GPC6: variants seen among roughly 807,000 people sequenced by gnomAD.
GPC6 encodes glypican-6.
A neutral mutation model predicts 55.2 loss-of-function variants in GPC6; 14 were observed. The observed-to-expected ratio is 0.25, with a 90% CI of 0.17 to 0.40. The LOEUF (loss-of-function observed/expected upper bound fraction) is 0.40, where lower values mean the gene tolerates loss of function less well. Among genes scored for constraint, GPC6 ranks in the 10% least tolerant of loss-of-function variants. The pLI is 1.00. For missense variants in GPC6, 641 were observed against 708.5 expected, an observed-to-expected ratio of 0.90 and a Z score of 1.08; for synonymous variants, 278 against 259.6, an observed-to-expected ratio of 1.07 and a Z score of -0.68.
In GPC6 at chr13:93,333,208, CT is replaced by C. The variant is rs553860917; in HGVS notation, c.160+105599del. On this transcript the variant is annotated intron_variant, in intron 1 of 8. Transcript: ENST00000377047. ...TTATGATTCTGTATGCATTTTAGGA[CT>C]TTTTTTCTGTGTTTCTATGAAGAGT... 5.7e-3 allele frequency among the ~76,000 whole-genome samples: 873 copies of C among 152,086 alleles called. 5 individuals carry two copies. Among genetic ancestry groups the C allele is most frequent in the Middle Eastern group, 0.038 (11 of 292 alleles).
chr13:93,757,590 G>A (rs886841814), intron 2 of GPC6, among the ~76,000 whole-genome samples: 1 of 152,152 alleles, frequency 6.6e-6, no homozygotes, highest in Non-Finnish European at 1.5e-5. Context: ...ATTCCTATCT[G>A]TGAGTCCTTT....
At chr13:94,195,109 G>A (rs1243218694) in intron 4 of GPC6, among the ~76,000 whole-genome samples, 2 of 152,164 alleles carry the variant, frequency 1.3e-5, no homozygotes, top group East Asian at 3.8e-4. Context: ...TTCTATTTAA[G>A]TCTCTTTTGA....
At chr13:94,343,803 C>G (rs1878156347) in intron 6 of GPC6, among the ~76,000 whole-genome samples, 1 of 152,130 alleles carries the variant, frequency 6.6e-6, no homozygotes, top group South Asian at 2.1e-4. Flanking sequence ...AATCACAGCT[C>G]ACTGCAGCCT....
chr13:94,332,685 T>C (rs1468998994), intron 6 of GPC6, among the ~76,000 whole-genome samples: 6 of 152,238 alleles, frequency 3.9e-5, no homozygotes, highest in Non-Finnish European at 5.9e-5. Flanking sequence ...TGTGTCGAAT[T>C]GTTGCAAGAA....
intron 1 of GPC6, among the ~76,000 whole-genome samples, chr13:93,485,572 T>G (rs1409664752): frequency 6.6e-6 from 1 of 152,218 alleles, no homozygotes; most frequent in Non-Finnish European, 1.5e-5. Flanking sequence ...TTTCTTGATT[T>G]CGTAGATAAT....
At chr13:94,398,237 T>TAAA (rs375910551) in intron 7 of GPC6, among the ~76,000 whole-genome samples, 13 of 139,916 alleles carry the variant, frequency 9.3e-5, no homozygotes, top group African/African-American at 3.1e-4. Flanking sequence ...CAGTGCCATT[T>TAAA]AAAAAAAAAA....
intron 3 of GPC6, among the ~76,000 whole-genome samples, chr13:93,923,738 G>A (rs1400428725): frequency 1.3e-5 from 2 of 152,182 alleles, no homozygotes; most frequent in African/African-American, 2.4e-5. Context: ...ATGGTCAGTG[G>A]CAGCTGTGCT....
intron 4 of GPC6, among the ~76,000 whole-genome samples, chr13:94,261,371 A>G (rs941717171): frequency 2.0e-5 from 3 of 152,228 alleles, no homozygotes; most frequent in Non-Finnish European, 4.4e-5. Flanking sequence ...AGCTATTTGA[A>G]GAATGGGTTC....
intron 4 of GPC6, among the ~76,000 whole-genome samples, chr13:94,046,114 A>T (rs201104039): frequency 0.014 from 2,176 of 152,124 alleles, 35 homozygotes; most frequent in East Asian, 0.083. Flanking sequence ...CCAACAAAAA[A>T]ATAGGTTTAC....
chr13:94,018,765 A>G (rs977915952), intron 3 of GPC6, among the ~76,000 whole-genome samples: 2 of 152,160 alleles, frequency 1.3e-5, no homozygotes, highest in African/African-American at 4.8e-5. Context: ...CTGATGAGTG[A>G]GCATTACCAC....
At chr13:94,305,661 G>C (rs1248093628) in intron 5 of GPC6, among the ~76,000 whole-genome samples, 1 of 152,182 alleles carries the variant, frequency 6.6e-6, no homozygotes, top group Non-Finnish European at 1.5e-5. Flanking sequence ...GTCCATGAGA[G>C]TGCTGTGAGT....
intron 4 of GPC6, among the ~76,000 whole-genome samples, chr13:94,213,317 A>T (rs1176708079): frequency 1.3e-5 from 2 of 152,192 alleles, no homozygotes; most frequent in African/African-American, 4.8e-5. Context: ...AATCATTATA[A>T]TTATAGGTGA....
chr13:94,237,730 G>A (rs1890922873), intron 4 of GPC6, among the ~76,000 whole-genome samples: 1 of 152,128 alleles, frequency 6.6e-6, no homozygotes, highest in Non-Finnish European at 1.5e-5. Context: ...ATAAAAAAAC[G>A]TAGGTGGGCT....
intron 3 of GPC6, among the ~76,000 whole-genome samples, chr13:93,892,850 C>T (rs1284951486): frequency 6.6e-6 from 1 of 152,130 alleles, no homozygotes; most frequent in African/African-American, 2.4e-5. Flanking sequence ...TCATAAGCCA[C>T]TCAGCCTCCC....
intron 2 of GPC6, among the ~76,000 whole-genome samples, chr13:93,585,709 T>A (rs996872647): frequency 6.6e-6 from 1 of 152,184 alleles, no homozygotes; most frequent in Non-Finnish European, 1.5e-5. Flanking sequence ...TAAATTATTT[T>A]TTTATTTCTC....
rs545394972 is a variant in GPC6, at chr13:94,350,679, G to A, written c.1153-31735G>A. On this transcript the variant is annotated intron_variant, in intron 6 of 8. Coordinates refer to ENST00000377047, the MANE Select transcript of GPC6 (RefSeq NM_005708.5). ...TGTGTGTATGTATCATATTATATAT[G>A]CAAATATGTTCCCTGGAAAGAGTAA... Among the ~76,000 whole-genome samples the A allele has an allele frequency of 5.9e-5, 9 of 152,186 alleles. No homozygotes were observed. In the South Asian group the frequency reaches 1.9e-3, roughly 32 times the overall value.
At chr13:93,803,008 G>A (rs1178429015) in intron 2 of GPC6, among the ~76,000 whole-genome samples, 1 of 152,126 alleles carries the variant, frequency 6.6e-6, no homozygotes, top group Admixed American at 6.6e-5. Context: ...TCCAGAGCTT[G>A]ACTATTGTGT....
intron 1 of GPC6, among the ~76,000 whole-genome samples, chr13:93,538,896 A>G (rs1187148586): frequency 6.6e-6 from 1 of 152,038 alleles, no homozygotes; most frequent in Non-Finnish European, 1.5e-5. Flanking sequence ...ATGGGTATGT[A>G]AAAAGAGAAC....
intron 6 of GPC6, among the ~76,000 whole-genome samples, chr13:94,329,416 G>A (rs1373289759): frequency 2.0e-5 from 3 of 152,198 alleles, no homozygotes; most frequent in Admixed American, 6.5e-5. Flanking sequence ...TCGCAGTACC[G>A]TCTGCAGCTG....
Sources: allele counts gnomAD v4.1 joint callset (sites outside exome capture counted in the v4.1 genomes callset), GRCh38; gene constraint gnomAD v4.1.1; transcripts MANE v1.5; gene names NCBI Gene and HGNC (gene_info 2026-07-23, HGNC 2026-07-21).